The following RASEF variants were observed in gnomAD, a reference collection of about 807,000 sequenced individuals.
The protein encoded by RASEF is RAS and EF-hand domain containing, also known as ras and EF-hand domain-containing protein.
RASEF carries 68 observed loss-of-function variants against 90.1 expected under a neutral mutation model. That is an observed-to-expected ratio of 0.75 (90% CI 0.62 to 0.92). RASEF has a LOEUF of 0.92. Among genes scored for constraint, RASEF ranks in the 40% least tolerant of loss-of-function variants. RASEF has a pLI of 0.00. For missense variants in RASEF, 949 were observed against 937.2 expected (o/e 1.01, Z -0.16); for synonymous variants, 331 against 345.2 (o/e 0.96, Z 0.46).
the RASEF span, among the ~76,000 whole-genome samples, chr9:83,199,224 TAAAAAAAAAAAAAAA>T: frequency 8.4e-6 from 1 of 118,662 alleles, no homozygotes. Flanking sequence ...AGCCCTAATT[TAAAAAAAAAAAAAAA>T]AAAAAAAAAA....
chr9:83,087,407 C>T, the RASEF span, among the ~76,000 whole-genome samples: 1 of 139,174 alleles, frequency 7.2e-6, no homozygotes, highest in Non-Finnish European at 1.5e-5. Flanking sequence ...CTCATTCATT[C>T]TCTCTCTCTC....
chr9:83,119,008 CTTT>C, the RASEF span, among the ~76,000 whole-genome samples: 1,363 of 141,102 alleles, frequency 9.7e-3, 25 homozygotes, highest in African/African-American at 0.03. Flanking sequence ...TTTTTCTTTT[CTTT>C]TTTTTTTTTT....
At chr9:83,215,591 A>G in the RASEF span, among the ~76,000 whole-genome samples, 2 of 152,190 alleles carry the variant, frequency 1.3e-5, no homozygotes, top group Non-Finnish European at 2.9e-5. Flanking sequence ...GAGTCCATTA[A>G]ACCTCTTTTT....
chr9:82,993,201 T>C (rs1158863432), intron 14 of RASEF, among the ~76,000 whole-genome samples, 176 bp from the exon 15 acceptor site: 2 of 152,156 alleles, frequency 1.3e-5, no homozygotes, highest in African/African-American at 4.8e-5. Flanking sequence ...CATTTTCCCA[T>C]TCACAGAAGA....
chr9:83,166,700 C>G, the RASEF span, among the ~76,000 whole-genome samples: 1 of 152,180 alleles, frequency 6.6e-6, no homozygotes, highest in Non-Finnish European at 1.5e-5. Flanking sequence ...GACAGACTGA[C>G]AGAGGAATGA....
intron 1 of RASEF, among the ~76,000 whole-genome samples, chr9:83,030,677 A>G (rs1386900873): frequency 6.6e-6 from 1 of 152,204 alleles, no homozygotes; most frequent in African/African-American, 2.4e-5. Context: ...CTTGCTTTGC[A>G]TTACAGGGCA....
At chr9:83,174,501 A>G in the RASEF span, among the ~76,000 whole-genome samples, 1 of 152,114 alleles carries the variant, frequency 6.6e-6, no homozygotes, top group African/African-American at 2.4e-5. Flanking sequence ...CCATTGATCT[A>G]TATGTCTATC....
At chr9:83,042,139 C>T (rs1175362282) in intron 1 of RASEF, among the ~76,000 whole-genome samples, 1 of 152,144 alleles carries the variant, frequency 6.6e-6, no homozygotes, top group Non-Finnish European at 1.5e-5. Flanking sequence ...CCTCTCTCAC[C>T]TGCTTGGATA....
chr9:83,001,463 A>G (rs1036894625), intron 9 of RASEF, among the ~76,000 whole-genome samples: 13 of 152,226 alleles, frequency 8.5e-5, no homozygotes, highest in African/African-American at 3.1e-4. Context: ...AAATGTATGC[A>G]GAATATATGA....
intron 16 of RASEF, among the ~76,000 whole-genome samples, chr9:82,983,439 A>T (rs1828654736): frequency 6.6e-6 from 1 of 152,190 alleles, no homozygotes; most frequent in Admixed American, 6.5e-5. Flanking sequence ...ATCTTATGAA[A>T]ACCCCCTAAG....
At position 83,029,875 on chromosome 9, in the gene RASEF, G is replaced by C. The variant is rs375067179; in HGVS notation, c.432-3954C>G. ...CCATTATCTTTCCCATCAGAGCTGA[G>C]TACAAATTCTGGTTGCAATAGTAAG... On this transcript the variant is annotated intron_variant, in intron 1 of 16. Transcript: ENST00000376447. 2.9e-3 allele frequency among the ~76,000 whole-genome samples: 441 copies of C among 152,298 alleles called. 4 individuals are homozygous for C. The highest frequency in any genetic ancestry group is 0.01 in the African/African-American group (430 of 41,570).
chr9:83,119,732 A>C, the RASEF span, among the ~76,000 whole-genome samples: 1 of 152,154 alleles, frequency 6.6e-6, no homozygotes, highest in East Asian at 1.9e-4. Context: ...TATGGGAGGG[A>C]CCCAGTGGGA....
At chr9:83,040,861 T>A (rs1829826716) in intron 1 of RASEF, among the ~76,000 whole-genome samples, 1 of 152,132 alleles carries the variant, frequency 6.6e-6, no homozygotes, top group South Asian at 2.1e-4. Flanking sequence ...TTATTTTATT[T>A]TATATATATA....
chr9:83,027,575 T>C (rs778945472), intron 1 of RASEF, among the ~76,000 whole-genome samples: 1 of 152,198 alleles, frequency 6.6e-6, no homozygotes, highest in Admixed American at 6.5e-5. Context: ...ACAGTCCTCA[T>C]AGTTATTATT....
At chr9:83,136,905 T>G in the RASEF span, among the ~76,000 whole-genome samples, 1 of 152,092 alleles carries the variant, frequency 6.6e-6, no homozygotes, top group East Asian at 1.9e-4. Flanking sequence ...TGTTTAAACA[T>G]GTCTATTTTT....
rs73471419 is a variant in RASEF at position 83,045,759 on chromosome 9, A to C, written c.431+16678T>G. On this transcript the variant is annotated intron_variant, in intron 1 of 16. Transcript: ENST00000376447. ...AGTTAGCTCACTCCCTAGGTCAGTA[A>C]ATGAAGTATGCTAAAGCAGAAATGA... Among the ~76,000 whole-genome samples, 1,385 of 152,286 alleles carry C rather than the reference A, an allele frequency of 9.1e-3. 18 individuals carry two copies. The highest frequency in any genetic ancestry group is 0.031 in the African/African-American group (1,307 of 41,554).
upstream of RASEF, among the ~76,000 whole-genome samples, chr9:83,065,041 C>G (rs140549535): frequency 5.8e-3 from 890 of 152,264 alleles, 9 homozygotes; most frequent in African/African-American, 0.02. Context: ...GCACTCCAGC[C>G]TGGGCAACAG....
At chr9:83,159,770 G>A in the RASEF span, among the ~76,000 whole-genome samples, 5 of 152,126 alleles carry the variant, frequency 3.3e-5, no homozygotes, top group East Asian at 1.9e-4. Flanking sequence ...GCACTGATAC[G>A]GTTTAGCTGT....
chr9:83,101,611 G>T, the RASEF span, among the ~76,000 whole-genome samples: 4 of 152,192 alleles, frequency 2.6e-5, no homozygotes, highest in East Asian at 7.7e-4. Flanking sequence ...TCAATGAATG[G>T]ATAAAATTCT....
Sources: allele counts gnomAD v4.1 joint callset (sites outside exome capture counted in the v4.1 genomes callset), GRCh38; gene constraint gnomAD v4.1.1; transcripts MANE v1.5; gene names NCBI Gene and HGNC (gene_info 2026-07-23, HGNC 2026-07-21).